The following PPP4R2 variants were observed in gnomAD, a reference collection of about 807,000 sequenced individuals.
PPP4R2 encodes the protein protein phosphatase 4 regulatory subunit 2.
A neutral mutation model predicts 47.2 loss-of-function variants in PPP4R2; 13 were observed. The observed-to-expected ratio is 0.28, with a 90% CI of 0.18 to 0.44. The LOEUF (loss-of-function observed/expected upper bound fraction) is 0.44, where lower values mean the gene tolerates loss of function less well. Among genes scored for constraint, PPP4R2 ranks in the 20% least tolerant of loss-of-function variants. The pLI, the probability that PPP4R2 is intolerant of heterozygous loss-of-function variation, is 1.00. For missense variants in PPP4R2, 421 were observed against 491.2 expected, an observed-to-expected ratio of 0.86 and a Z score of 1.35; for synonymous variants, 151 against 163.3, an observed-to-expected ratio of 0.92 and a Z score of 0.57.
At chr3:73,019,823 A>T (rs191139315) in intron 2 of PPP4R2, among the ~76,000 whole-genome samples, 2 of 151,996 alleles carry the variant, frequency 1.3e-5, no homozygotes, top group Non-Finnish European at 2.9e-5. Context: ...GATTCTGTCT[A>T]TTTGTCCACT....
At chr3:73,046,243 C>G (rs1003628826) in intron 2 of PPP4R2, among the ~76,000 whole-genome samples, 16 of 152,198 alleles carry the variant, frequency 1.1e-4, no homozygotes, top group African/African-American at 3.6e-4. Context: ...TTGACAATAG[C>G]TTTGACCTCT....
Position 73,014,270 on chromosome 3 carries a change from G to T in PPP4R2, c.116+16112G>T. On this transcript the variant is annotated intron_variant, in intron 2 of 8. Transcript: ENST00000356692. ...CCATGTTAGCACCAAGCATTATTCA[G>T]ATTTTAAAATTATTTTTATTTTTAT... Among the ~76,000 whole-genome samples the T allele has an allele frequency of 1.5e-5, 2 of 129,324 alleles. 1 individual carries two copies. The highest frequency in any genetic ancestry group is 3.6e-5 in the Non-Finnish European group (2 of 55,764). The allele number at this position is 129,324 out of a possible 152,430, so 84.8% of individuals were successfully genotyped here.
chr3:73,053,397 C>A (rs1330954237), intron 3 of PPP4R2, among the ~76,000 whole-genome samples: 1 of 152,124 alleles, frequency 6.6e-6, no homozygotes, highest in Non-Finnish European at 1.5e-5. Flanking sequence ...GTGATACTCT[C>A]TTTAATAAAC....
chr3:73,065,347 A>G (rs1390584600), intron 8 of PPP4R2, 50 bp from the exon 9 acceptor site: 3 of 1,490,002 alleles, frequency 2.0e-6, no homozygotes, highest in Non-Finnish European at 2.7e-6. Flanking sequence ...TTAACTGTGG[A>G]GGTATTTTGA....
intron 2 of PPP4R2, among the ~76,000 whole-genome samples, chr3:73,019,306 A>G (rs1701912570): frequency 6.6e-6 from 1 of 152,210 alleles, no homozygotes; most frequent in Non-Finnish European, 1.5e-5. Flanking sequence ...TACCCTCGTC[A>G]TTAAAAGATA....
chr3:73,046,547 T>A (rs1702491254), intron 2 of PPP4R2, among the ~76,000 whole-genome samples: 1 of 152,160 alleles, frequency 6.6e-6, no homozygotes, highest in Non-Finnish European at 1.5e-5. Context: ...TTTATGTTAA[T>A]TTGATAAATG....
Position 73,005,633 on chromosome 3 carries a change from G to A in PPP4R2, c.116+7475G>A, listed in dbSNP as rs369304823. 2.5e-4 allele frequency among the ~76,000 whole-genome samples: 38 copies of A among 151,986 alleles called. 1 individual carries two copies. The highest frequency in any genetic ancestry group is 8.9e-4 in the African/African-American group (37 of 41,456). On this transcript the variant is annotated intron_variant, in intron 2 of 8. Transcript: ENST00000356692. The stretch of plus-strand genomic sequence containing the variant: ...GGAGGCTGAGGCCGGCGGATCACCT[G>A]AGGTCGGGAGTTCAAGACCAGCCTG...
chr3:73,003,987 A>G (rs1021886663), intron 2 of PPP4R2, among the ~76,000 whole-genome samples: 6 of 152,122 alleles, frequency 3.9e-5, no homozygotes, highest in African/African-American at 1.4e-4. Flanking sequence ...GGCGTGAGCC[A>G]CTGTGCCTGG....
intron 8 of PPP4R2, 40 bp from the exon 9 acceptor site, chr3:73,065,357 A>G: frequency 1.3e-6 from 2 of 1,528,820 alleles, no homozygotes; most frequent in Non-Finnish European, 1.8e-6. Context: ...AGGTATTTTG[A>G]AAATACAATT....
intron 2 of PPP4R2, among the ~76,000 whole-genome samples, chr3:73,000,375 G>A (rs1701434301): frequency 6.6e-6 from 1 of 152,118 alleles, no homozygotes; most frequent in Admixed American, 6.5e-5. Flanking sequence ...TTTCACTGAT[G>A]CATTATAGCA....
intron 2 of PPP4R2, among the ~76,000 whole-genome samples, chr3:73,015,467 G>C (rs1441598536): frequency 7.0e-6 from 1 of 142,052 alleles, no homozygotes; most frequent in Non-Finnish European, 1.5e-5. Flanking sequence ...GAGCCACCGT[G>C]CCCAGCCTAC....
At chr3:73,064,295 T>A in intron 7 of PPP4R2, 149 bp downstream of exon 7, 1 of 668,546 alleles carries the variant, frequency 1.5e-6, no homozygotes, top group South Asian at 2.3e-5. Context: ...TCTTTGCAGC[T>A]GTAGCAAATG....
chr3:73,023,572 C>T (rs1327724117), intron 2 of PPP4R2, among the ~76,000 whole-genome samples: 2 of 152,172 alleles, frequency 1.3e-5, no homozygotes, highest in African/African-American at 4.8e-5. Flanking sequence ...AACACAGCTG[C>T]ATATTTAAAA....
At chr3:73,027,415 G>C (rs965506750) in intron 2 of PPP4R2, among the ~76,000 whole-genome samples, 10 of 152,242 alleles carry the variant, frequency 6.6e-5, no homozygotes, top group Admixed American at 6.5e-4. Flanking sequence ...CGTGAGCCCC[G>C]CTCCCAGCTA....
rs112393853 is a variant in PPP4R2 at position 73,024,973 on chromosome 3, G to A, written c.117-22213G>A. On this transcript the variant is annotated intron_variant, in intron 2 of 8. Coordinates refer to ENST00000356692, the MANE Select transcript of PPP4R2 (RefSeq NM_174907.4). ...CCCAGGGACCTCAGCAGCAGAAGTT[G>A]TTAGACTTGTTCTTCAGGTTCTAGC... Among the ~76,000 whole-genome samples the A allele has an allele frequency of 1.1e-4, 16 of 152,282 alleles. No homozygotes were observed. The East Asian group carries it at 3.1e-3, about 29-fold the overall frequency.
chr3:73,053,428 A>G (rs1450434895), intron 3 of PPP4R2, among the ~76,000 whole-genome samples: 1 of 152,224 alleles, frequency 6.6e-6, no homozygotes, highest in Non-Finnish European at 1.5e-5. Context: ...AAATTAACAG[A>G]AAGCCTAATT....
intron 2 of PPP4R2, among the ~76,000 whole-genome samples, chr3:73,006,323 C>T (rs1047760082): frequency 6.6e-6 from 1 of 151,680 alleles, no homozygotes; most frequent in African/African-American, 2.4e-5. Flanking sequence ...CTCAGCCTCC[C>T]TGGTAGCTGG....
Position 72,996,929 on chromosome 3 carries a change from C to G in PPP4R2, c.-109C>G, listed in dbSNP as rs1010006900. On this transcript the variant is annotated 5_prime_UTR_variant, in exon 1 of 9. Transcript: ENST00000356692. The stretch of plus-strand genomic sequence containing the variant: ...TTCCCCCCCCCGGTCGCCTGCGTGC[C>G]GGAGTGTGTGCGAGGGAGGGGGAGG... 37 of 809,636 alleles carry G rather than the reference C, an allele frequency of 4.6e-5. No individual in the cohort carries two copies. Among genetic ancestry groups the G allele is most frequent in the East Asian group, 6.8e-5 (2 of 29,560 alleles). The allele number at this position is 809,636 out of a possible 1,614,324, so 50.2% of individuals were successfully genotyped here.
chr3:73,055,349 A>G (rs1702708840), intron 3 of PPP4R2, among the ~76,000 whole-genome samples: 3 of 151,884 alleles, frequency 2.0e-5, no homozygotes, highest in Non-Finnish European at 4.4e-5. Flanking sequence ...TTGTTTTCAG[A>G]CAAGACCCAT....
Sources: gnomAD v4.1 joint callset for allele counts (sites outside exome capture counted in the v4.1 genomes callset) on GRCh38, gnomAD v4.1.1 for gene constraint, MANE v1.5 for transcripts, NCBI Gene and HGNC (gene_info 2026-07-23, HGNC 2026-07-21) for gene names.